The following SLC16A4 variants were observed in gnomAD, a reference collection of about 807,000 sequenced individuals.
The protein encoded by SLC16A4 is solute carrier family 16 member 4.
Under a neutral mutation model 47.9 loss-of-function variants are expected in SLC16A4, and 39 were observed. That is an observed-to-expected ratio of 0.81 (90% CI 0.63 to 1.06). The LOEUF (loss-of-function observed/expected upper bound fraction) is 1.06, where lower values mean the gene tolerates loss of function less well. Among genes scored for constraint, SLC16A4 ranks in the 50% least tolerant of loss-of-function variants. The probability of loss-of-function intolerance (pLI) is 0.00; values close to 1 mark genes in which losing one functional copy is unlikely to be tolerated. For synonymous variants in SLC16A4, 189 were observed against 199.9 expected (o/e 0.95, Z 0.46); for missense variants, 524 against 573.8 (o/e 0.91, Z 0.89).
intron 7 of SLC16A4, among the ~76,000 whole-genome samples, chr1:110,376,327 TAGAAC>T (rs1484241455): frequency 2.0e-5 from 3 of 152,226 alleles, no homozygotes; most frequent in East Asian, 1.9e-4. Flanking sequence ...CTAATATTGA[TAGAAC>T]AGAAGTTTTC....
At chr1:110,367,347 A>C (rs1661449315) in intron 8 of SLC16A4, among the ~76,000 whole-genome samples, 1 of 152,144 alleles carries the variant, frequency 6.6e-6, no homozygotes, top group South Asian at 2.1e-4. Flanking sequence ...GAAGTAATAA[A>C]TTAGCTGGGT....
At chr1:110,380,078 C>T (rs1238726759) in intron 5 of SLC16A4, among the ~76,000 whole-genome samples, 6 of 94,882 alleles carry the variant, frequency 6.3e-5, no homozygotes, top group South Asian at 3.5e-4. Context: ...AAAAAAGCAG[C>T]GGGAGGGAGG....
intron 2 of SLC16A4, among the ~76,000 whole-genome samples, chr1:110,387,353 T>C (rs1662789043): frequency 6.6e-6 from 1 of 152,180 alleles, no homozygotes; most frequent in Non-Finnish European, 1.5e-5. Context: ...CTCTCTCTCT[T>C]TTTTTAAGTA....
chr1:110,376,717 T>G (rs993437367), intron 7 of SLC16A4, among the ~76,000 whole-genome samples: 16 of 150,480 alleles, frequency 1.1e-4, no homozygotes, highest in African/African-American at 3.8e-4. Flanking sequence ...ATCCTGCTGA[T>G]CCCTTTTTTG....
intron 6 of SLC16A4, among the ~76,000 whole-genome samples, chr1:110,378,470 C>T (rs1662141142): frequency 6.6e-6 from 1 of 152,188 alleles, no homozygotes; most frequent in Non-Finnish European, 1.5e-5. Flanking sequence ...AGTCTTGCTC[C>T]AGAACCAATC....
At chr1:110,368,989 C>T (rs894123315) in intron 8 of SLC16A4, among the ~76,000 whole-genome samples, 1 of 150,832 alleles carries the variant, frequency 6.6e-6, no homozygotes, top group African/African-American at 2.4e-5. Context: ...GAGTCTCGCC[C>T]TGTCGCCCAG....
chr1:110,378,536 A>G (rs1463087323), intron 6 of SLC16A4, among the ~76,000 whole-genome samples: 2 of 152,158 alleles, frequency 1.3e-5, no homozygotes, highest in Admixed American at 6.5e-5. Flanking sequence ...TATAGTGGCT[A>G]TTGCCATTGA....
At chr1:110,367,013 C>T (rs1443837360) in intron 8 of SLC16A4, among the ~76,000 whole-genome samples, 1 of 152,098 alleles carries the variant, frequency 6.6e-6, no homozygotes, top group East Asian at 1.9e-4. Flanking sequence ...GCTGTTTATA[C>T]TAGCAAATAT....
At position 110,368,693 on chromosome 1, in the gene SLC16A4, T is replaced by G. The variant is rs548120110; in HGVS notation, c.1337-4800A>C. Among the ~76,000 whole-genome samples, 6 of 152,328 alleles carry G rather than the reference T, an allele frequency of 3.9e-5. No individual in the cohort carries two copies. In the East Asian group the frequency reaches 1.2e-3, roughly 29 times the overall value. On this transcript the variant is annotated intron_variant, in intron 8 of 8. Coordinates refer to ENST00000369779, the MANE Select transcript of SLC16A4 (RefSeq NM_004696.3). ...GATAATTTAAAACAAATAGGAAGAT[T>G]GGGCTGAGCTTCTTTAAATACTGGT...
intron 7 of SLC16A4, 36 bp from the exon 8 acceptor site, chr1:110,375,587 G>A (rs1557906055): frequency 2.5e-6 from 3 of 1,220,128 alleles, no homozygotes; most frequent in Admixed American, 1.7e-5. Context: ...GCCATATTAA[G>A]GGTGAAATTC....
intron 4 of SLC16A4, 65 bp downstream of exon 4, chr1:110,381,587 C>G: frequency 1.3e-6 from 2 of 1,542,144 alleles, no homozygotes; most frequent in South Asian, 2.4e-5. Flanking sequence ...TCCCAAAGTG[C>G]TAGGATTACA....
rs868018493 is a variant in SLC16A4, at chr1:110,383,820, T to G, written c.88-854A>C. 4.3e-3 allele frequency among the ~76,000 whole-genome samples: 528 copies of G among 121,434 alleles called. 3 individuals are homozygous for G. Among genetic ancestry groups the G allele is most frequent in the East Asian group, 8.0e-3 (28 of 3,502 alleles). The allele number at this position is 121,434 out of a possible 152,430, so 79.7% of individuals were successfully genotyped here. On this transcript the variant is annotated intron_variant, in intron 2 of 8. Transcript: ENST00000369779. ...TTAAAAGGAGGTTTTTTTTTTTTTT[T>G]TTTTTTTTTTTTGGAAACGGCTGTT...
intron 8 of SLC16A4, among the ~76,000 whole-genome samples, chr1:110,374,557 A>G (rs1169063806): frequency 6.6e-6 from 1 of 152,218 alleles, no homozygotes; most frequent in Non-Finnish European, 1.5e-5. Flanking sequence ...GTGAGAAACT[A>G]AAGTTTAGGT....
rs1159671775 is a variant in SLC16A4, at chr1:110,363,738, C to T, written c.*28G>A. On this transcript the variant is annotated 3_prime_UTR_variant, in exon 9 of 9. Coordinates refer to ENST00000369779, the MANE Select transcript of SLC16A4 (RefSeq NM_004696.3). ...TTAGTTTAGGTTTTCTTTTGTTTAG[C>T]TCTCACTTGATTGCAGTCTTCTTTC... 2.9e-5 allele frequency: 45 copies of T among 1,575,128 alleles called. No individual in the cohort carries two copies. The highest frequency in any genetic ancestry group is 3.8e-5 in the Non-Finnish European group (44 of 1,165,826).
chr1:110,369,237 G>A (rs536143756), intron 8 of SLC16A4, among the ~76,000 whole-genome samples: 2 of 152,122 alleles, frequency 1.3e-5, no homozygotes, highest in South Asian at 4.2e-4. Context: ...ACAGGCGTGA[G>A]CCACTGTGCC....
chr1:110,372,935 TTTACA>T (rs1661761503), intron 8 of SLC16A4: 1 of 152,188 alleles, frequency 6.6e-6, no homozygotes, highest in Non-Finnish European at 1.5e-5. Flanking sequence ...TATCTCATAT[TTTACA>T]TTACATAGGT....
At chr1:110,377,918 C>T (rs972868983) in intron 6 of SLC16A4, among the ~76,000 whole-genome samples, 6 of 152,192 alleles carry the variant, frequency 3.9e-5, no homozygotes, top group African/African-American at 1.4e-4. Context: ...CAAGCTCCGC[C>T]TCCCGGGTTC....
rs571627745 is a variant in SLC16A4, at chr1:110,386,804, A to G, written c.87+2433T>C. The stretch of plus-strand genomic sequence containing the variant: ...TTCTGTAAAAAATGGTCTATTAGGT[A>G]TCTCCACTTTCTGTCATTCTGCTAC... On this transcript the variant is annotated intron_variant, in intron 2 of 8. Coordinates refer to ENST00000369779, the MANE Select transcript of SLC16A4 (RefSeq NM_004696.3). Among the ~76,000 whole-genome samples, 13 of 152,254 alleles carry G rather than the reference A, an allele frequency of 8.5e-5. No individual in the cohort carries two copies. The East Asian group carries it at 2.5e-3, about 29-fold the overall frequency.
intron 6 of SLC16A4, among the ~76,000 whole-genome samples, chr1:110,377,721 TG>T (rs1341862042): frequency 3.9e-5 from 6 of 152,240 alleles, no homozygotes; most frequent in African/African-American, 1.4e-4. Context: ...GATTGTATTT[TG>T]GACCACTGCA....
Sources: allele counts gnomAD v4.1 joint callset (sites outside exome capture counted in the v4.1 genomes callset), GRCh38; gene constraint gnomAD v4.1.1; transcripts MANE v1.5; gene names NCBI Gene and HGNC (gene_info 2026-07-23, HGNC 2026-07-21).